Variants in ARID2 observed in about 807,000 individuals in gnomAD.
ARID2 encodes AT-rich interactive domain-containing protein 2.
ARID2 carries 32 observed loss-of-function variants against 184.6 expected under a neutral mutation model. The observed-to-expected ratio is 0.17, with a 90% confidence interval of 0.13 to 0.23. ARID2 has a LOEUF of 0.23. Ranked by LOEUF, ARID2 falls within the 10% of genes least tolerant of loss-of-function variation. The pLI is 1.00. For synonymous variants in ARID2, 836 were observed against 772.6 expected (o/e 1.08, Z -1.36); for missense variants, 1,696 against 2,197.6 (o/e 0.77, Z 4.56).
chr12:45,736,504 A>G (rs1049169350), intron 3 of ARID2, among the ~76,000 whole-genome samples: 1 of 152,226 alleles, frequency 6.6e-6, no homozygotes, highest in African/African-American at 2.4e-5. Flanking sequence ...TAGGTAAAGT[A>G]TTTAAAAGTT....
intron 20 of ARID2, among the ~76,000 whole-genome samples, chr12:45,897,980 T>C (rs1046278333): frequency 6.6e-6 from 1 of 151,982 alleles, no homozygotes; most frequent in East Asian, 1.9e-4. Context: ...GTGTTTTTAG[T>C]AGAGACGAGG....
chr12:45,816,689 GA>G (rs1942810326), intron 4 of ARID2, among the ~76,000 whole-genome samples: 1 of 152,162 alleles, frequency 6.6e-6, no homozygotes, highest in South Asian at 2.1e-4. Context: ...CTCAACTAGG[GA>G]ATGGATAAAC....
intron 14 of ARID2, 102 bp from the exon 15 acceptor site, chr12:45,849,934 G>C: frequency 2.7e-6 from 4 of 1,455,936 alleles, no homozygotes; most frequent in Non-Finnish European, 3.6e-6. Context: ...AAAATTGTTA[G>C]ATGTTAATTT....
intron 3 of ARID2, among the ~76,000 whole-genome samples, chr12:45,786,766 C>A (rs1434465092): frequency 2.6e-5 from 4 of 152,016 alleles, no homozygotes; most frequent in Non-Finnish European, 5.9e-5. Flanking sequence ...GATGAGTGCA[C>A]GGAGAAAATG....
At chr12:45,734,012 C>T (rs1361419296) in intron 3 of ARID2, among the ~76,000 whole-genome samples, 1 of 151,952 alleles carries the variant, frequency 6.6e-6, no homozygotes, top group Admixed American at 6.6e-5. Flanking sequence ...TACTGTGTAC[C>T]CACAAAAATT....
chr12:45,801,325 A>C (rs1403477968), intron 3 of ARID2, among the ~76,000 whole-genome samples: 1 of 146,826 alleles, frequency 6.8e-6, no homozygotes, highest in East Asian at 2.0e-4. Flanking sequence ...AAAAGAAAAA[A>C]AAAAAAAGTA....
At chr12:45,781,579 T>C (rs1395206450) in intron 3 of ARID2, among the ~76,000 whole-genome samples, 3 of 151,676 alleles carry the variant, frequency 2.0e-5, no homozygotes, top group Non-Finnish European at 4.4e-5. Flanking sequence ...TTTTCTGTTA[T>C]AATTTTTCTT....
intron 11 of ARID2, chr12:45,842,319 A>G (rs535921292): frequency 2.1e-5 from 3 of 144,308 alleles, no homozygotes; most frequent in Non-Finnish European, 3.2e-5. Flanking sequence ...ACACATGTAT[A>G]TGTATATATA....
chr12:45,857,336 G>A (rs899996005), intron 15 of ARID2, among the ~76,000 whole-genome samples: 1 of 152,138 alleles, frequency 6.6e-6, no homozygotes, highest in African/African-American at 2.4e-5. Flanking sequence ...TCAGGCGGGG[G>A]CAGCATTTAG....
At chr12:45,777,514 T>C (rs1158526014) in intron 3 of ARID2, among the ~76,000 whole-genome samples, 1 of 152,048 alleles carries the variant, frequency 6.6e-6, no homozygotes, top group Non-Finnish European at 1.5e-5. Context: ...TTCTTAATAA[T>C]GCACAAGCAG....
At chr12:45,735,135 G>T (rs571460423) in intron 3 of ARID2, among the ~76,000 whole-genome samples, 1 of 151,392 alleles carries the variant, frequency 6.6e-6, no homozygotes, top group South Asian at 2.1e-4. Flanking sequence ...GGTGGGTAAA[G>T]CTCTTTCTTA....
chr12:45,888,377 T>C (rs1260959515), intron 16 of ARID2, among the ~76,000 whole-genome samples: 1 of 152,180 alleles, frequency 6.6e-6, no homozygotes, highest in Non-Finnish European at 1.5e-5. Flanking sequence ...ATAGTTTCTA[T>C]GGAGAATATT....
chr12:45,794,101 A>G (rs919222051), intron 3 of ARID2, among the ~76,000 whole-genome samples: 13 of 152,238 alleles, frequency 8.5e-5, no homozygotes, highest in Non-Finnish European at 1.8e-4. Context: ...AGATACCTGA[A>G]ACTGCAGGTA....
chr12:45,746,350 A>G (rs762831025), intron 3 of ARID2, among the ~76,000 whole-genome samples: 4 of 151,982 alleles, frequency 2.6e-5, no homozygotes, highest in Non-Finnish European at 4.4e-5. Context: ...GCCTCAAGTG[A>G]TCCTCCTGGC....
At chr12:45,844,746 A>G (rs913361669) in intron 11 of ARID2, among the ~76,000 whole-genome samples, 6 of 152,334 alleles carry the variant, frequency 3.9e-5, no homozygotes, top group South Asian at 4.1e-4. Context: ...GTGTACTGTT[A>G]CTTTCCTCCA....
chr12:45,880,268 A>C (rs541873612), intron 16 of ARID2, among the ~76,000 whole-genome samples: 1 of 152,350 alleles, frequency 6.6e-6, no homozygotes, highest in African/African-American at 2.4e-5. Flanking sequence ...TGAAAGTCAA[A>C]CCAGGAATAT....
rs1944536535 is a variant in ARID2 at position 45,906,846 on chromosome 12, A to C, written c.*1768A>C. 2 of 232,206 alleles carry C rather than the reference A, an allele frequency of 8.6e-6. No homozygotes were observed. Among genetic ancestry groups the C allele is most frequent in the Admixed American group, 5.6e-5 (1 of 17,744 alleles). 14.4% of individuals were successfully genotyped at this position (232,206 alleles called of 1,614,324 possible). A position where few individuals can be genotyped will look rare whatever the true frequency, so the allele number is the denominator to read the frequency against. Reference sequence around the variant, plus strand: ...TACTGGATACTGTACATTTGGCTAAAAGCTTTTATTGTTTGATGTTGTGTT... The same window carrying C: ...TACTGGATACTGTACATTTGGCTAACAGCTTTTATTGTTTGATGTTGTGTT... On this transcript the variant is annotated 3_prime_UTR_variant, in exon 21 of 21. Transcript: ENST00000334344.
At chr12:45,803,870 G>T (rs538703959) in intron 3 of ARID2, among the ~76,000 whole-genome samples, 1 of 152,078 alleles carries the variant, frequency 6.6e-6, no homozygotes, top group East Asian at 1.9e-4. Context: ...CTAGACACAC[G>T]CAGACATTAG....
chr12:45,758,829 T>C (rs898965286), intron 3 of ARID2, among the ~76,000 whole-genome samples: 8 of 152,164 alleles, frequency 5.3e-5, no homozygotes, highest in Admixed American at 1.3e-4. Context: ...TATATGTCTT[T>C]TCTATTCACA....
Sources: allele counts gnomAD v4.1 joint callset (sites outside exome capture counted in the v4.1 genomes callset), GRCh38; gene constraint gnomAD v4.1.1; transcripts MANE v1.5; gene names NCBI Gene and HGNC (gene_info 2026-07-23, HGNC 2026-07-21).